Variants in MRTFB observed in about 807,000 individuals in gnomAD.
The protein encoded by MRTFB is myocardin-related transcription factor B.
A neutral mutation model predicts 104.2 loss-of-function variants in MRTFB; 29 were observed. The ratio of observed to expected loss-of-function variants is 0.28; its 90% CI spans 0.21 to 0.38. MRTFB has a LOEUF of 0.38. Ranked by LOEUF, MRTFB falls within the 10% of genes least tolerant of loss-of-function variation. The probability of loss-of-function intolerance (pLI) is 1.00; values close to 1 mark genes in which losing one functional copy is unlikely to be tolerated. For synonymous variants in MRTFB, 535 were observed against 519.5 expected (o/e 1.03, Z -0.41); for missense variants, 1,270 against 1,341.6 (o/e 0.95, Z 0.83).
At chr16:14,223,150 T>C (rs555573530) in intron 8 of MRTFB, among the ~76,000 whole-genome samples, 2 of 151,954 alleles carry the variant, frequency 1.3e-5, no homozygotes, top group South Asian at 2.1e-4. Flanking sequence ...CTACTAAAAA[T>C]ACAAAAAGAA....
chr16:14,063,526 C>A, the MRTFB span, among the ~76,000 whole-genome samples: 11 of 152,118 alleles, frequency 7.2e-5, no homozygotes, highest in African/African-American at 2.7e-4. Flanking sequence ...CTCAAATAAA[C>A]CCAAGTGTCT....
intron 9 of MRTFB, 116 bp from the exon 10 acceptor site, chr16:14,240,121 C>T: frequency 2.5e-6 from 3 of 1,214,514 alleles, no homozygotes; most frequent in Non-Finnish European, 3.4e-6. Context: ...TCCAAAGTGG[C>T]TGTACCCGTA....
intron 9 of MRTFB, among the ~76,000 whole-genome samples, chr16:14,238,331 G>T (rs545783290): frequency 2.0e-5 from 3 of 152,158 alleles, no homozygotes; most frequent in East Asian, 3.8e-4. Flanking sequence ...ATGACAAAGG[G>T]GGGGACTGTG....
the MRTFB span, among the ~76,000 whole-genome samples, chr16:14,001,757 A>G: frequency 6.6e-6 from 1 of 152,190 alleles, no homozygotes. Flanking sequence ...CCTCGTTGCC[A>G]TCTGCTGACC....
At chr16:14,084,357 A>G (rs771876890) in intron 2 of MRTFB, among the ~76,000 whole-genome samples, 13 of 152,094 alleles carry the variant, frequency 8.5e-5, no homozygotes, top group Non-Finnish European at 1.5e-4. Context: ...GCACAATAAC[A>G]TAGTGAAATC....
At chr16:14,203,396 C>G (rs552606795) in intron 3 of MRTFB, among the ~76,000 whole-genome samples, 42 of 152,286 alleles carry the variant, frequency 2.8e-4, no homozygotes, top group Non-Finnish European at 5.6e-4. Context: ...ATACAGTCCT[C>G]TATGTCCCAC....
At chr16:14,249,209 T>A (rs2043153188) in intron 13 of MRTFB, 128 bp downstream of exon 13, 2 of 1,130,904 alleles carry the variant, frequency 1.8e-6, no homozygotes, top group Non-Finnish European at 1.2e-6. Flanking sequence ...CCATCTCCCA[T>A]AGAATGAGCC....
intron 2 of MRTFB, among the ~76,000 whole-genome samples, chr16:14,096,321 C>T (rs1409192854): frequency 1.3e-5 from 2 of 152,124 alleles, no homozygotes; most frequent in Admixed American, 6.5e-5. Context: ...GATCTGCCTG[C>T]TTCGGCCTCC....
chr16:14,234,239 A>G lies in MRTFB; in HGVS notation c.787A>G (p.Thr263Ala). 2 of 1,614,036 alleles carry G rather than the reference A, an allele frequency of 1.2e-6. No homozygotes were observed. Among genetic ancestry groups the G allele is most frequent in the East Asian group, 2.2e-5 (1 of 44,886 alleles). ...PPRPAAPVLP[T>A]NTVSSAKPGP... ...ACGGCCTGCAGCTCCTGTCCTCCCC[A>G]CAAACACTGTGTCCTCAGCAAAGCC... The change falls in exon 9 of 17, where the codon ACA becomes GCA. Residue 263 changes from threonine (T) to alanine (A), a missense_variant. Transcript: ENST00000571589.
chr16:14,068,536 A>T (rs961169631), upstream of MRTFB, among the ~76,000 whole-genome samples: 2 of 152,134 alleles, frequency 1.3e-5, no homozygotes, highest in African/African-American at 4.8e-5. Context: ...GGAACCAACC[A>T]CTTGCCAACT....
intron 2 of MRTFB, among the ~76,000 whole-genome samples, chr16:14,100,225 G>C (rs2035626701): frequency 6.6e-6 from 1 of 152,130 alleles, no homozygotes. Flanking sequence ...TAAGTGTGAT[G>C]TTAGCTATAG....
the MRTFB span, among the ~76,000 whole-genome samples, chr16:14,002,492 G>A: frequency 6.7e-6 from 1 of 149,364 alleles, no homozygotes; most frequent in South Asian, 2.1e-4. Context: ...AAATTAGAAA[G>A]AGAATAACTT....
intron 2 of MRTFB, among the ~76,000 whole-genome samples, chr16:14,086,585 C>T (rs2034716257): frequency 6.6e-6 from 1 of 152,026 alleles, no homozygotes; most frequent in Admixed American, 6.6e-5. Context: ...CTTTTTGTGG[C>T]TGATGGTATA....
the MRTFB span, among the ~76,000 whole-genome samples, chr16:14,048,109 T>TA: frequency 6.6e-6 from 1 of 152,284 alleles, no homozygotes; most frequent in Middle Eastern, 3.4e-3. Flanking sequence ...ATGAAGGGGC[T>TA]AAATGTTCCA....
At chr16:14,007,436 C>T in the MRTFB span, among the ~76,000 whole-genome samples, 1 of 152,176 alleles carries the variant, frequency 6.6e-6, no homozygotes, top group African/African-American at 2.4e-5. Flanking sequence ...AAGAATGTTT[C>T]ATCATATGTA....
rs1050125653 is a variant in MRTFB at position 14,140,857 on chromosome 16, C to T, written c.154+97C>T. ...TTTGGTAGTAATATTTTGGTCAGTT[C>T]AGCAGTCTGTCATGGAGGAGAACCC... On this transcript the variant is annotated intron_variant, in intron 3 of 16. Coordinates refer to ENST00000571589, the MANE Select transcript of MRTFB (RefSeq NM_001308142.2). 1.2e-5 allele frequency: 17 copies of T among 1,423,986 alleles called. No homozygotes were observed. In the African/African-American group the frequency reaches 2.4e-4, roughly 20 times the overall value. 88.2% of individuals were successfully genotyped at this position (1,423,986 alleles called of 1,614,324 possible). A position where few individuals can be genotyped will look rare whatever the true frequency, so the allele number is the denominator to read the frequency against.
At chr16:14,109,889 G>T (rs770520714) in intron 2 of MRTFB, among the ~76,000 whole-genome samples, 5 of 152,148 alleles carry the variant, frequency 3.3e-5, no homozygotes, top group East Asian at 1.9e-4. Flanking sequence ...ACAAATTCCA[G>T]TGTTTGCCAG....
chr16:14,196,716 G>A (rs2040448182), intron 3 of MRTFB, among the ~76,000 whole-genome samples: 1 of 152,184 alleles, frequency 6.6e-6, no homozygotes, highest in Non-Finnish European at 1.5e-5. Flanking sequence ...ACACTGTGGA[G>A]CTCTGCTTTT....
At chr16:14,145,495 A>T (rs1349978248) in intron 3 of MRTFB, among the ~76,000 whole-genome samples, 1 of 152,198 alleles carries the variant, frequency 6.6e-6, no homozygotes, top group Non-Finnish European at 1.5e-5. Flanking sequence ...CATGTTACTG[A>T]TGATAGTGGA....
Sources: gnomAD v4.1 joint callset for allele counts (sites outside exome capture counted in the v4.1 genomes callset) on GRCh38, gnomAD v4.1.1 for gene constraint, MANE v1.5 for transcripts, NCBI Gene and HGNC (gene_info 2026-07-23, HGNC 2026-07-21) for gene names.